Variants in SLC24A2 observed in about 807,000 individuals in gnomAD.
The protein encoded by SLC24A2 is sodium/potassium/calcium exchanger 2.
In SLC24A2, 36 loss-of-function variants were observed where a neutral mutation model predicts 62.0. That is an observed-to-expected ratio of 0.58 (90% CI 0.44 to 0.77). The LOEUF (loss-of-function observed/expected upper bound fraction) is 0.77, where lower values mean the gene tolerates loss of function less well. Ranked by LOEUF, SLC24A2 falls within the 30% of genes least tolerant of loss-of-function variation. The probability of loss-of-function intolerance (pLI) is 0.00; values close to 1 mark genes in which losing one functional copy is unlikely to be tolerated. For synonymous variants in SLC24A2, 358 were observed against 294.0 expected (o/e 1.22, Z -2.23); for missense variants, 846 against 817.9 (o/e 1.03, Z -0.42).
chr9:19,692,260 G>A (rs1820065789), intron 2 of SLC24A2, among the ~76,000 whole-genome samples: 1 of 152,130 alleles, frequency 6.6e-6, no homozygotes, highest in Non-Finnish European at 1.5e-5. Context: ...GAACTATGTT[G>A]TCAAGTCACA....
chr9:19,841,978 T>A, the SLC24A2 span, among the ~76,000 whole-genome samples: 1 of 152,188 alleles, frequency 6.6e-6, no homozygotes, highest in African/African-American at 2.4e-5. Flanking sequence ...CTAATATTAC[T>A]GTTGAGTATC....
chr9:19,666,282 TGTAGTCCCA>T (rs1819250938), intron 2 of SLC24A2, among the ~76,000 whole-genome samples: 1 of 152,106 alleles, frequency 6.6e-6, no homozygotes, highest in Admixed American at 6.5e-5. Flanking sequence ...GGCATGCACT[TGTAGTCCCA>T]GCTACTCAAG....
chr9:20,149,047 A>G, the SLC24A2 span, among the ~76,000 whole-genome samples: 1 of 152,024 alleles, frequency 6.6e-6, no homozygotes, highest in East Asian at 1.9e-4. Flanking sequence ...GTATGAATGG[A>G]TGTATTTTAA....
chr9:19,696,154 G>C (rs979991339), intron 2 of SLC24A2, among the ~76,000 whole-genome samples: 1 of 152,248 alleles, frequency 6.6e-6, no homozygotes, highest in African/African-American at 2.4e-5. Context: ...TCTAGGTTGT[G>C]TATTCCTTAT....
chr9:19,877,233 G>A, the SLC24A2 span, among the ~76,000 whole-genome samples: 6 of 150,366 alleles, frequency 4.0e-5, no homozygotes, highest in Non-Finnish European at 8.9e-5. Flanking sequence ...CAATTCTTCG[G>A]TGGGAAGCAA....
At chr9:19,723,053 A>G (rs1359449181) in intron 2 of SLC24A2, among the ~76,000 whole-genome samples, 1 of 152,158 alleles carries the variant, frequency 6.6e-6, no homozygotes, top group Non-Finnish European at 1.5e-5. Flanking sequence ...AGCACATAAA[A>G]TATTGGGGCT....
At chr9:19,537,087 A>C (rs1278820997) in intron 8 of SLC24A2, among the ~76,000 whole-genome samples, 1 of 151,452 alleles carries the variant, frequency 6.6e-6, no homozygotes, top group Non-Finnish European at 1.5e-5. Flanking sequence ...AGTTCACTGT[A>C]GATTCTGGAT....
chr9:19,881,986 G>T, the SLC24A2 span, among the ~76,000 whole-genome samples: 39 of 152,166 alleles, frequency 2.6e-4, no homozygotes, highest in Middle Eastern at 3.4e-3. Context: ...TTCAACCTAT[G>T]CCTATTCCAT....
At chr9:20,257,684 T>C in the SLC24A2 span, among the ~76,000 whole-genome samples, 4 of 152,222 alleles carry the variant, frequency 2.6e-5, no homozygotes, top group Non-Finnish European at 2.9e-5. Flanking sequence ...TCTCTAAATT[T>C]CTTTCTTCCT....
At chr9:19,833,120 A>G in the SLC24A2 span, among the ~76,000 whole-genome samples, 1 of 152,190 alleles carries the variant, frequency 6.6e-6, no homozygotes, top group Admixed American at 6.5e-5. Context: ...CCGAATAGGA[A>G]CAGCTCCAGT....
Position 19,516,375 on chromosome 9 carries a change from G to T in SLC24A2, c.1764C>A (p.Thr588=). The change falls in exon 11 of 11, where the codon ACC becomes ACA. Residue 588 remains threonine, a synonymous_variant. Coordinates refer to ENST00000341998, the MANE Select transcript of SLC24A2 (RefSeq NM_020344.4). ...CCACTGGCTGGAATCTGTGAATGACGGTGTACAGGAGCCAGGGCAGTGGGA... is the reference window on the plus strand; with the variant it reads ...CCACTGGCTGGAATCTGTGAATGACTGTGTACAGGAGCCAGGGCAGTGGGA... ...VGLPLPWLLY[T]VIHRFQPVAV... 6.2e-7 allele frequency: 1 copy of T among 1,614,008 alleles called. No individual in the cohort carries two copies. The highest frequency in any genetic ancestry group is 8.5e-7 in the Non-Finnish European group (1 of 1,179,946).
At chr9:19,863,444 TCA>T in the SLC24A2 span, among the ~76,000 whole-genome samples, 1 of 151,970 alleles carries the variant, frequency 6.6e-6, no homozygotes, top group Admixed American at 6.6e-5. Context: ...TGGATCATTC[TCA>T]GAGAGAGACC....
At chr9:19,655,185 G>A (rs1485122200) in intron 2 of SLC24A2, among the ~76,000 whole-genome samples, 1 of 152,180 alleles carries the variant, frequency 6.6e-6, no homozygotes, top group African/African-American at 2.4e-5. Flanking sequence ...CACCCCAGAG[G>A]GGAAAATTCT....
chr9:19,844,661 T>G, the SLC24A2 span, among the ~76,000 whole-genome samples: 1 of 152,150 alleles, frequency 6.6e-6, no homozygotes, highest in African/African-American at 2.4e-5. Context: ...GTCTTACATT[T>G]AAATATTTAA....
the SLC24A2 span, among the ~76,000 whole-genome samples, chr9:20,132,309 G>A: frequency 6.6e-6 from 1 of 152,068 alleles, no homozygotes; most frequent in South Asian, 2.1e-4. Context: ...AAGAGTTGCT[G>A]ATGTGCTATG....
chr9:20,017,644 C>A, the SLC24A2 span, among the ~76,000 whole-genome samples: 2 of 152,166 alleles, frequency 1.3e-5, no homozygotes, highest in South Asian at 2.1e-4. Context: ...GGAAAACCAA[C>A]AATGCAGCCT....
At chr9:20,090,972 G>C in the SLC24A2 span, among the ~76,000 whole-genome samples, 2 of 151,866 alleles carry the variant, frequency 1.3e-5, no homozygotes, top group Non-Finnish European at 2.9e-5. Flanking sequence ...AATGATACAG[G>C]AGCTGACAGA....
At chr9:19,937,655 ATATC>A in the SLC24A2 span, among the ~76,000 whole-genome samples, 6,310 of 152,304 alleles carry the variant, frequency 0.041, 430 homozygotes, top group African/African-American at 0.14. Flanking sequence ...CTGTTGAAAT[ATATC>A]TATGTATCCT....
intron 8 of SLC24A2, among the ~76,000 whole-genome samples, chr9:19,532,111 T>A (rs1346085157): frequency 6.6e-6 from 1 of 152,142 alleles, no homozygotes; most frequent in Non-Finnish European, 1.5e-5. Context: ...TGACAGAGTT[T>A]CCCTGTTGTT....
Sources: gnomAD v4.1 joint callset for allele counts (sites outside exome capture counted in the v4.1 genomes callset) on GRCh38, gnomAD v4.1.1 for gene constraint, MANE v1.5 for transcripts, NCBI Gene and HGNC (gene_info 2026-07-23, HGNC 2026-07-21) for gene names.